Variants in DGKZ observed in about 807,000 individuals in gnomAD.
DGKZ encodes DAG kinase zeta.
DGKZ carries 45 observed loss-of-function variants against 142.5 expected under a neutral mutation model. The observed-to-expected ratio is 0.32, with a 90% CI of 0.25 to 0.40. The LOEUF (loss-of-function observed/expected upper bound fraction) is 0.40. Ranked by LOEUF, DGKZ falls within the 10% of genes least tolerant of loss-of-function variation. DGKZ has a pLI of 1.00. For synonymous variants in DGKZ, 442 were observed against 527.0 expected (o/e 0.84, Z 2.21); for missense variants, 755 against 1,306.5 (o/e 0.58, Z 6.51).
rs140865212 is a variant in DGKZ at position 46,374,783 on chromosome 11, G to C, written c.1542G>C (p.Leu514Phe). 42 of 1,611,676 alleles carry C rather than the reference G, an allele frequency of 2.6e-5. No individual in the cohort carries two copies. In the African/African-American group the frequency reaches 5.6e-4, roughly 22 times the overall value. ...GCCTCCAGTGTGATGGAATGGACTT[G>C]ACTCCCAAGATCCAGGACCTGAAAC... Residue 514 changes from leucine to phenylalanine, a missense_variant, in exon 18 of 31, where the codon TTG becomes TTC. By Grantham distance (22) the Leu-to-Phe change is conservative. Coordinates refer to ENST00000527911, the Ensembl canonical transcript of DGKZ.
At chr11:46,371,553 G>T in exon 8 of DGKZ, 6 of 1,610,684 alleles carry the variant, frequency 3.7e-6, no homozygotes, top group Non-Finnish European at 4.2e-6. Context: ...GGGGGTCCAC[G>T]CAGCCGTGGT....
intron 1 of DGKZ, among the ~76,000 whole-genome samples, chr11:46,355,904 AC>A (rs1941966811): frequency 6.6e-6 from 1 of 151,636 alleles, no homozygotes; most frequent in East Asian, 1.9e-4. Flanking sequence ...GGGCCACCAC[AC>A]CCGGCTAATT....
intron 1 of DGKZ, chr11:46,366,581 C>T (rs748536399): frequency 5.6e-6 from 9 of 1,607,220 alleles, no homozygotes; most frequent in Admixed American, 5.1e-5. Context: ...TGCACCCCTG[C>T]TGTTGACCGG....
chr11:46,376,813 T>TG, intron 24 of DGKZ: 2 of 650,928 alleles, frequency 3.1e-6, no homozygotes, highest in Admixed American at 5.8e-5. Context: ...TAGGAGGGCC[T>TG]GGAAGCCCAG....
chr11:46,366,827 CGGCCCTCAGGCCAGCACCCTGGCCCTGG>C, intron 1 of DGKZ: 1 of 1,545,280 alleles, frequency 6.5e-7, no homozygotes, highest in Non-Finnish European at 8.7e-7. Flanking sequence ...CAGCCAGCGG[CGGCCCTCAGGCCAGCACCCTGGCCCTGG>C]GGGCCGAAGA....
In DGKZ at chr11:46,353,369, G is replaced by T. The variant is rs564995833; in HGVS notation, c.161+5549G>T. On this transcript the variant is annotated intron_variant, in intron 1 of 30. Coordinates refer to ENST00000527911, the Ensembl canonical transcript of DGKZ. ...TAAGAAGAGGTTTGAGTGCTCCATG[G>T]GGTTTAGTGAAAGGTCTTTGCCTCC... Among the ~76,000 whole-genome samples the T allele has an allele frequency of 2.0e-5, 3 of 152,292 alleles. No individual in the cohort carries two copies. In the South Asian group the frequency reaches 6.2e-4, roughly 32 times the overall value.
At chr11:46,358,466 G>C (rs907026304) in intron 1 of DGKZ, among the ~76,000 whole-genome samples, 1 of 152,098 alleles carries the variant, frequency 6.6e-6, no homozygotes, top group African/African-American at 2.4e-5. Context: ...AAACTAGTCA[G>C]ATGTAGGTAT....
Position 46,372,549 on chromosome 11 carries a change from G to T in DGKZ, c.1010+39G>T. 1 of 1,613,774 alleles carries T rather than the reference G, an allele frequency of 6.2e-7. No homozygotes were observed. The highest frequency in any genetic ancestry group is 1.1e-5 in the South Asian group (1 of 91,084). On this transcript the variant is annotated intron_variant, in intron 11 of 30. Coordinates refer to ENST00000527911, the Ensembl canonical transcript of DGKZ. This position sits in a 1 kb window ranked among gnomAD's most constrained non-coding sequence, Gnocchi z 5.9. ...AAGGTTTTGTGGGGGACATGGGGGG[G>T]AACTTGCCTCACTCCTGGGGTACAG... is the stretch of plus-strand genomic sequence containing the variant.
chr11:46,378,098 T>C (rs1457865642), intron 25 of DGKZ, 100 bp from the exon 26 acceptor site: 3 of 1,457,554 alleles, frequency 2.1e-6, no homozygotes, highest in African/African-American at 2.8e-5. Context: ...AGGCACTCAA[T>C]AAACTGTGGA....
chr11:46,359,638 C>G (rs1942414549), intron 1 of DGKZ, among the ~76,000 whole-genome samples: 1 of 151,842 alleles, frequency 6.6e-6, no homozygotes. Context: ...GAGTCTCGCT[C>G]TGTGGCCAAG....
chr11:46,342,447 A>T (rs778482291), intron 1 of DGKZ, among the ~76,000 whole-genome samples: 4 of 152,186 alleles, frequency 2.6e-5, no homozygotes, highest in Non-Finnish European at 5.9e-5. Context: ...GACGCCTCAG[A>T]TGGAAAACAA....
Position 46,366,420 on chromosome 11 carries a change from A to G in DGKZ, c.162-871A>G, listed in dbSNP as rs762291379. The G allele has an allele frequency of 3.9e-6, 6 of 1,537,978 alleles. No individual in the cohort carries two copies. In the East Asian group the frequency reaches 1.2e-4, roughly 31 times the overall value. On this transcript the variant is annotated intron_variant, in intron 1 of 30. Transcript: ENST00000527911. ...GCACAGCGGCGCCGCTCCAGCGCCC[A>G]GCTCCAGGGCTGCCTCCTGAGTTGC...
exon 25 of DGKZ, chr11:46,377,177 C>T (rs996182557): frequency 1.4e-5 from 22 of 1,606,840 alleles, no homozygotes; most frequent in East Asian, 2.2e-5. Context: ...CCCCCACTTC[C>T]CCTCTCCCCA....
intron 27 of DGKZ, 122 bp downstream of exon 27, chr11:46,378,622 T>G (rs760992779): frequency 1.2e-5 from 16 of 1,301,382 alleles, no homozygotes; most frequent in South Asian, 9.8e-5. Flanking sequence ...CGTCTGGCCC[T>G]CTGTGGGATC....
intron 1 of DGKZ, chr11:46,366,408 G>A (rs772195520): frequency 2.7e-5 from 41 of 1,528,856 alleles, no homozygotes; most frequent in South Asian, 2.5e-4. Context: ...CAGCGGCGCC[G>A]CTCCAGCGCC....
At position 46,376,245 on chromosome 11, in the gene DGKZ, CTG is replaced by C. The variant is rs970084859; in HGVS notation, c.2092-80_2092-79del. ...GCCAGCTCGCCCTGCGGAGCCTCCT[CTG>C]TGCTGGTTCCCCCTACTCCAAGTTC... On this transcript the variant is annotated intron_variant, in intron 22 of 30. Transcript: ENST00000527911. 5.7e-5 allele frequency: 92 copies of C among 1,606,674 alleles called. No homozygotes were observed. The African/African-American group carries it at 1.2e-3, about 21-fold the overall frequency.
intron 1 of DGKZ, among the ~76,000 whole-genome samples, chr11:46,335,334 G>A (rs969887101): frequency 3.9e-4 from 60 of 151,974 alleles, no homozygotes; most frequent in African/African-American, 1.4e-3. Context: ...AATCACAAAT[G>A]GAGGCCAGAG....
chr11:46,378,544 G>C (rs1316250075), intron 27 of DGKZ, 44 bp downstream of exon 27: 1 of 1,612,578 alleles, frequency 6.2e-7, no homozygotes, highest in Non-Finnish European at 8.5e-7. Context: ...CAGCTCCCTC[G>C]GGCCCTGGGG....
intron 1 of DGKZ, chr11:46,364,570 C>A: frequency 2.0e-6 from 2 of 985,444 alleles, no homozygotes; most frequent in Non-Finnish European, 2.4e-6. Context: ...AGACCAAGAG[C>A]TGAGCTGTGC....
Sources: allele counts gnomAD v4.1 joint callset (sites outside exome capture counted in the v4.1 genomes callset), GRCh38; gene constraint gnomAD v4.1.1; non-coding constraint Gnocchi (gnomAD v3.1); transcripts MANE v1.5; gene names NCBI Gene and HGNC (gene_info 2026-07-23, HGNC 2026-07-21).